EFNA5: variants seen among roughly 807,000 people sequenced by gnomAD.
The protein encoded by EFNA5 is ephrin-A5.
EFNA5 carries 5 observed loss-of-function variants against 22.9 expected under a neutral mutation model. The observed-to-expected ratio is 0.22, with a 90% CI of 0.11 to 0.46. EFNA5 has a LOEUF of 0.46. EFNA5 is among the 20% of genes least tolerant of loss of function. The pLI is 0.99. For missense variants in EFNA5, 237 were observed against 293.3 expected, an observed-to-expected ratio of 0.81 and a Z score of 1.40; for synonymous variants, 113 against 112.2, an observed-to-expected ratio of 1.01 and a Z score of -0.04.
intron 1 of EFNA5, among the ~76,000 whole-genome samples, chr5:107,601,776 C>A (rs12514540): frequency 0.51 from 77,176 of 151,924 alleles, 21,308 homozygotes; most frequent in African/African-American, 0.7. Flanking sequence ...TACAGAAACA[C>A]ACAAACAAAA....
intron 1 of EFNA5, among the ~76,000 whole-genome samples, chr5:107,436,949 TCTC>T (rs34590136): frequency 0.24 from 35,741 of 151,882 alleles, 4,457 homozygotes; most frequent in East Asian, 0.53. Context: ...AATAAGTAAA[TCTC>T]CTTTTTATTG....
chr5:107,639,340 G>A (rs1477318740), intron 1 of EFNA5, among the ~76,000 whole-genome samples: 1 of 152,194 alleles, frequency 6.6e-6, no homozygotes. Context: ...GCTCAGTGAA[G>A]TGCTTAAGAG....
chr5:107,639,461 A>G (rs1264173262), intron 1 of EFNA5, among the ~76,000 whole-genome samples: 1 of 152,248 alleles, frequency 6.6e-6, no homozygotes, highest in African/African-American at 2.4e-5. Flanking sequence ...TAACTGCAAA[A>G]TGAAGATGGC....
At chr5:107,602,566 T>A (rs6596742) in intron 1 of EFNA5, among the ~76,000 whole-genome samples, 79,320 of 152,018 alleles carry the variant, frequency 0.52, 22,886 homozygotes, top group African/African-American at 0.76. Context: ...TTCAGAGCCC[T>A]TATACTTTGT....
At chr5:107,484,513 C>T (rs1746530643) in intron 1 of EFNA5, among the ~76,000 whole-genome samples, 1 of 152,144 alleles carries the variant, frequency 6.6e-6, no homozygotes, top group Admixed American at 6.5e-5. Flanking sequence ...TAATCAGAGC[C>T]AGAGTGGTAC....
At position 107,617,299 on chromosome 5, in the gene EFNA5, G is replaced by T. The variant is rs571271920; in HGVS notation, c.125+53190C>A. On this transcript the variant is annotated intron_variant, in intron 1 of 4. Transcript: ENST00000333274. ...AACCACAGAGTCTCCAAATACAGGA[G>T]AAAATGGAACTGGAACAGTATTTCC... Among the ~76,000 whole-genome samples the T allele has an allele frequency of 9.9e-5, 15 of 151,852 alleles. No individual in the cohort carries two copies. In the East Asian group the frequency reaches 2.1e-3, roughly 22 times the overall value.
intron 1 of EFNA5, among the ~76,000 whole-genome samples, chr5:107,591,734 T>C (rs917436711): frequency 5.6e-5 from 8 of 143,128 alleles, no homozygotes; most frequent in Admixed American, 5.2e-4. Context: ...GGCAGGAGAA[T>C]TGCTTGACCC....
At chr5:107,569,299 T>C (rs1748723521) in intron 1 of EFNA5, among the ~76,000 whole-genome samples, 1 of 150,024 alleles carries the variant, frequency 6.7e-6, no homozygotes, top group Admixed American at 6.7e-5. Context: ...AACTCAAATT[T>C]CCAAGTAAAA....
intron 1 of EFNA5, among the ~76,000 whole-genome samples, chr5:107,641,871 CCAGA>C (rs571710201): frequency 3.9e-4 from 60 of 152,158 alleles, no homozygotes; most frequent in African/African-American, 1.4e-3. Flanking sequence ...GACTGTCCAC[CCAGA>C]CAAAGAACAG....
chr5:107,514,057 A>G (rs1168966065), intron 1 of EFNA5, among the ~76,000 whole-genome samples: 3 of 152,180 alleles, frequency 2.0e-5, no homozygotes, highest in South Asian at 2.1e-4. Context: ...AACAAAATAA[A>G]GCACTATTCC....
At chr5:107,533,874 A>C (rs1023069397) in intron 1 of EFNA5, among the ~76,000 whole-genome samples, 1 of 152,244 alleles carries the variant, frequency 6.6e-6, no homozygotes, top group Non-Finnish European at 1.5e-5. Flanking sequence ...CCTGAACTGC[A>C]CAGTCATTAG....
intron 2 of EFNA5, among the ~76,000 whole-genome samples, chr5:107,393,829 G>A (rs1747849056): frequency 6.6e-6 from 1 of 152,078 alleles, no homozygotes; most frequent in Non-Finnish European, 1.5e-5. Flanking sequence ...TAAATCCATG[G>A]TACTACTGGA....
intron 1 of EFNA5, among the ~76,000 whole-genome samples, chr5:107,455,634 A>C (rs1405856852): frequency 6.6e-6 from 1 of 152,146 alleles, no homozygotes; most frequent in African/African-American, 2.4e-5. Flanking sequence ...ATTACCTAAA[A>C]TACTGCACCA....
chr5:107,582,332 T>G (rs991234582), intron 1 of EFNA5, among the ~76,000 whole-genome samples: 4 of 152,224 alleles, frequency 2.6e-5, no homozygotes, highest in Non-Finnish European at 5.9e-5. Flanking sequence ...GTTCCACATA[T>G]CTACATAGGA....
chr5:107,532,707 C>A (rs1000691896), intron 1 of EFNA5, among the ~76,000 whole-genome samples: 2 of 152,228 alleles, frequency 1.3e-5, no homozygotes, highest in African/African-American at 4.8e-5. Flanking sequence ...GACCTCTACC[C>A]CACCTGCCAT....
At chr5:107,486,987 C>G (rs888775298) in intron 1 of EFNA5, among the ~76,000 whole-genome samples, 4 of 152,212 alleles carry the variant, frequency 2.6e-5, no homozygotes, top group African/African-American at 7.2e-5. Flanking sequence ...CTAGAGCATT[C>G]TAAGACCTAC....
chr5:107,531,936 A>G (rs1019586538), intron 1 of EFNA5, among the ~76,000 whole-genome samples: 1 of 152,206 alleles, frequency 6.6e-6, no homozygotes, highest in Non-Finnish European at 1.5e-5. Flanking sequence ...GCAATGGTAA[A>G]TAGGAGAGAA....
chr5:107,567,447 T>G (rs1285686057), intron 1 of EFNA5, among the ~76,000 whole-genome samples: 1 of 152,200 alleles, frequency 6.6e-6, no homozygotes, highest in African/African-American at 2.4e-5. Context: ...TGTGGGCACA[T>G]GTACCTGTGC....
At chr5:107,543,218 A>G (rs1488043126) in intron 1 of EFNA5, among the ~76,000 whole-genome samples, 4 of 152,188 alleles carry the variant, frequency 2.6e-5, no homozygotes, top group Non-Finnish European at 5.9e-5. Context: ...GACAGGAGCT[A>G]AATTCATCCA....
Sources: gnomAD v4.1 joint callset for allele counts (sites outside exome capture counted in the v4.1 genomes callset) on GRCh38, gnomAD v4.1.1 for gene constraint, MANE v1.5 for transcripts, NCBI Gene and HGNC (gene_info 2026-07-23, HGNC 2026-07-21) for gene names.